Variants in GABRG3 observed in about 807,000 individuals in gnomAD.
GABRG3 encodes the protein gamma-aminobutyric acid receptor subunit gamma-3.
Under a neutral mutation model 48.8 loss-of-function variants are expected in GABRG3, and 25 were observed. The ratio of observed to expected loss-of-function variants is 0.51; its 90% CI spans 0.37 to 0.72. The LOEUF (loss-of-function observed/expected upper bound fraction) is 0.72. Among genes scored for constraint, GABRG3 ranks in the 30% least tolerant of loss-of-function variants. GABRG3 has a pLI of 0.00. For missense variants in GABRG3, 394 were observed against 577.9 expected, an observed-to-expected ratio of 0.68 and a Z score of 3.26; for synonymous variants, 227 against 217.6, an observed-to-expected ratio of 1.04 and a Z score of -0.38.
intron 5 of GABRG3, among the ~76,000 whole-genome samples, chr15:27,356,391 T>C (rs1894842061): frequency 6.6e-6 from 1 of 152,208 alleles, no homozygotes; most frequent in African/African-American, 2.4e-5. Context: ...CAACATTCGT[T>C]ATTCATTCCT....
intron 3 of GABRG3, among the ~76,000 whole-genome samples, chr15:27,190,581 A>G (rs559094661): frequency 6.6e-6 from 1 of 152,052 alleles, no homozygotes; most frequent in Non-Finnish European, 1.5e-5. Context: ...TATCCCCTTT[A>G]TCATTTTTTA....
At chr15:27,309,720 A>T (rs998227298) in intron 3 of GABRG3, among the ~76,000 whole-genome samples, 1 of 152,124 alleles carries the variant, frequency 6.6e-6, no homozygotes, top group East Asian at 1.9e-4. Context: ...GCAGGTTGAA[A>T]TATAAAATTG....
intron 5 of GABRG3, among the ~76,000 whole-genome samples, chr15:27,435,596 G>A (rs574162638): frequency 4.1e-4 from 63 of 152,268 alleles, no homozygotes; most frequent in African/African-American, 1.3e-3. Context: ...TAGGTTGAGT[G>A]TATGAGGAAT....
chr15:27,276,145 A>C (rs1251836758), intron 3 of GABRG3, among the ~76,000 whole-genome samples: 1 of 152,240 alleles, frequency 6.6e-6, no homozygotes, highest in East Asian at 1.9e-4. Context: ...ACTTAAGAGC[A>C]GGCAGGGTGG....
intron 5 of GABRG3, among the ~76,000 whole-genome samples, chr15:27,445,253 C>T (rs1435509325): frequency 6.6e-6 from 1 of 152,156 alleles, no homozygotes; most frequent in Non-Finnish European, 1.5e-5. Flanking sequence ...TATCTCCTTG[C>T]TTAATCTCTT....
chr15:27,174,599 TC>T (rs1887684616), intron 3 of GABRG3, among the ~76,000 whole-genome samples: 1 of 151,586 alleles, frequency 6.6e-6, no homozygotes, highest in Non-Finnish European at 1.5e-5. Flanking sequence ...TCTCTCTCTC[TC>T]TCTCTCTCTC....
chr15:27,407,144 C>G (rs1887661155), intron 5 of GABRG3, among the ~76,000 whole-genome samples: 1 of 152,088 alleles, frequency 6.6e-6, no homozygotes, highest in Non-Finnish European at 1.5e-5. Flanking sequence ...TCAGACTGGT[C>G]TTGAACTCCA....
rs7495742 is a variant in GABRG3, at chr15:27,062,466, T to A, written c.270+35645T>A. Reference sequence around the variant, plus strand: ...AAAAAAAAAAAAAAAAAATTAGCCTTGCATGATGGCAGGTGCCTGTAATCC... The same window carrying A: ...AAAAAAAAAAAAAAAAAATTAGCCTAGCATGATGGCAGGTGCCTGTAATCC... On this transcript the variant is annotated intron_variant, in intron 3 of 9. Coordinates refer to ENST00000615808, the MANE Select transcript of GABRG3 (RefSeq NM_033223.5). 1.7e-3 allele frequency among the ~76,000 whole-genome samples: 234 copies of A among 134,570 alleles called. 4 individuals are homozygous for A. Among genetic ancestry groups the A allele is most frequent in the Middle Eastern group, 7.2e-3 (2 of 276 alleles). 88.3% of individuals were successfully genotyped at this position (134,570 alleles called of 152,430 possible).
chr15:27,480,241 C>T (rs1007335197), intron 5 of GABRG3, among the ~76,000 whole-genome samples: 2 of 152,168 alleles, frequency 1.3e-5, no homozygotes, highest in Non-Finnish European at 2.9e-5. Context: ...GGATGGACTA[C>T]ATTTTGGGGA....
intron 3 of GABRG3, among the ~76,000 whole-genome samples, chr15:27,164,819 G>T (rs914358581): frequency 2.0e-5 from 3 of 152,190 alleles, no homozygotes; most frequent in African/African-American, 7.2e-5. Context: ...TTTGAAAGGG[G>T]ATCTTCTCAT....
intron 5 of GABRG3, among the ~76,000 whole-genome samples, chr15:27,379,082 G>C (rs933112875): frequency 6.6e-6 from 1 of 152,182 alleles, no homozygotes; most frequent in African/African-American, 2.4e-5. Flanking sequence ...TCATCCTAAA[G>C]TTCCAAAGAA....
intron 5 of GABRG3, among the ~76,000 whole-genome samples, chr15:27,436,930 A>G (rs1291940984): frequency 1.3e-5 from 2 of 150,298 alleles, no homozygotes; most frequent in South Asian, 2.1e-4. Flanking sequence ...CAGGAGTTCA[A>G]TGCTGCAGTG....
intron 5 of GABRG3, among the ~76,000 whole-genome samples, chr15:27,403,916 A>AC (rs1293102496): frequency 3.4e-4 from 33 of 96,544 alleles, no homozygotes; most frequent in African/African-American, 1.7e-3. Context: ...AAAAAAAACA[A>AC]AAAAAAAAAA....
chr15:27,479,530 T>C (rs1455664752), intron 5 of GABRG3, among the ~76,000 whole-genome samples: 4 of 152,242 alleles, frequency 2.6e-5, no homozygotes, highest in African/African-American at 4.8e-5. Flanking sequence ...AGAAGGCAGA[T>C]TGCCTCTAAG....
intron 3 of GABRG3, among the ~76,000 whole-genome samples, chr15:27,164,151 A>G (rs1437160734): frequency 6.6e-6 from 1 of 152,234 alleles, no homozygotes; most frequent in East Asian, 1.9e-4. Context: ...ATAGTATAAT[A>G]GACACCTATT....
rs114013138 is a variant in GABRG3, at chr15:27,003,045, T to C, written c.203-23709T>C. Among the ~76,000 whole-genome samples the C allele has an allele frequency of 9.8e-3, 1,487 of 151,960 alleles. 30 individuals are homozygous for C. Among genetic ancestry groups the C allele is most frequent in the African/African-American group, 0.034 (1,414 of 41,530 alleles). ...GCCCCTATCCAGAAACTATCACATGTGAATATTTAAATATGTTTTCTTCAA... is the reference window on the plus strand; with the variant it reads ...GCCCCTATCCAGAAACTATCACATGCGAATATTTAAATATGTTTTCTTCAA... On this transcript the variant is annotated intron_variant, in intron 2 of 9. Transcript: ENST00000615808.
chr15:27,270,312 T>G (rs1891040599), intron 3 of GABRG3, among the ~76,000 whole-genome samples: 1 of 152,164 alleles, frequency 6.6e-6, no homozygotes, highest in African/African-American at 2.4e-5. Flanking sequence ...TGTGTGTGCC[T>G]TATGTCTTTA....
At chr15:27,388,246 A>AAGG (rs779141273) in intron 5 of GABRG3, among the ~76,000 whole-genome samples, 5 of 15,076 alleles carry the variant, frequency 3.3e-4, no homozygotes, top group Admixed American at 8.6e-4. Context: ...GGGAGGGAGG[A>AAGG]AAGGAAGGAA....
At chr15:27,120,903 G>A (rs1226534103) in intron 3 of GABRG3, among the ~76,000 whole-genome samples, 1 of 152,124 alleles carries the variant, frequency 6.6e-6, no homozygotes, top group Admixed American at 6.5e-5. Flanking sequence ...GTACTCTTGG[G>A]AGACTTTGCT....
Sources: gnomAD v4.1 joint callset for allele counts (sites outside exome capture counted in the v4.1 genomes callset) on GRCh38, gnomAD v4.1.1 for gene constraint, MANE v1.5 for transcripts, NCBI Gene and HGNC (gene_info 2026-07-23, HGNC 2026-07-21) for gene names.